ARMC8: variants seen among roughly 807,000 people sequenced by gnomAD.
ARMC8 encodes armadillo repeat-containing protein 8.
In ARMC8, 20 loss-of-function variants were observed where a neutral mutation model predicts 99.3. The ratio of observed to expected loss-of-function variants is 0.20; its 90% CI spans 0.14 to 0.29. The LOEUF (loss-of-function observed/expected upper bound fraction) is 0.29, where lower values mean the gene tolerates loss of function less well. Ranked by LOEUF, ARMC8 falls within the 10% of genes least tolerant of loss-of-function variation. ARMC8 has a pLI of 1.00. For synonymous variants in ARMC8, 263 were observed against 278.3 expected (o/e 0.95, Z 0.55); for missense variants, 569 against 809.5 (o/e 0.70, Z 3.60).
chr3:138,244,181 C>T (rs1480561820), intron 11 of ARMC8, among the ~76,000 whole-genome samples: 1 of 152,032 alleles, frequency 6.6e-6, no homozygotes, highest in South Asian at 2.1e-4. Context: ...TCTCAGATAA[C>T]TGTAATAGAT....
chr3:138,268,493 G>A (rs1051518537), intron 15 of ARMC8, among the ~76,000 whole-genome samples: 18 of 152,164 alleles, frequency 1.2e-4, no homozygotes, highest in Admixed American at 2.6e-4. Flanking sequence ...CTACCTTCAG[G>A]ATATTTAGGG....
At chr3:138,286,551 T>C (rs1250729368) in intron 19 of ARMC8, among the ~76,000 whole-genome samples, 1 of 152,168 alleles carries the variant, frequency 6.6e-6, no homozygotes, top group Non-Finnish European at 1.5e-5. Flanking sequence ...CTACACGTGC[T>C]CTCCTGAGAT....
Position 138,195,554 on chromosome 3 carries a change from C to T in ARMC8, c.45+7955C>T, listed in dbSNP as rs975801006. On this transcript the variant is annotated intron_variant, in intron 1 of 21. Coordinates refer to ENST00000469044, the MANE Select transcript of ARMC8 (RefSeq NM_001363941.2). ...TAGCCTTCTTATCACCTCCTATTTT[C>T]GCTAAATTTTAAAATACTTACTGTC... Among the ~76,000 whole-genome samples the T allele has an allele frequency of 5.3e-5, 8 of 152,074 alleles. 1 individual carries two copies. Among genetic ancestry groups the T allele is most frequent in the Non-Finnish European group, 7.4e-5 (5 of 68,014 alleles).
At chr3:138,273,338 ATC>A (rs1423388446) in intron 17 of ARMC8, among the ~76,000 whole-genome samples, 11 of 152,186 alleles carry the variant, frequency 7.2e-5, no homozygotes, top group African/African-American at 2.7e-4. Context: ...TACACTGCTT[ATC>A]CTGTCTCCCT....
intron 1 of ARMC8, among the ~76,000 whole-genome samples, chr3:138,191,859 T>C (rs1467368011): frequency 6.6e-6 from 1 of 152,258 alleles, no homozygotes; most frequent in Admixed American, 6.5e-5. Context: ...TGTTAAGTAG[T>C]ATTTCATGGT....
At chr3:138,268,585 G>A (rs574569765) in intron 15 of ARMC8, among the ~76,000 whole-genome samples, 7 of 152,066 alleles carry the variant, frequency 4.6e-5, no homozygotes, top group Non-Finnish European at 1.0e-4. Flanking sequence ...ACTCCCAACC[G>A]GGGCAACATA....
At chr3:138,234,817 C>T (rs1018378922) in intron 6 of ARMC8, among the ~76,000 whole-genome samples, 34 of 152,306 alleles carry the variant, frequency 2.2e-4, no homozygotes, top group African/African-American at 7.7e-4. Context: ...GGTAAAGAGG[C>T]AGCATTTCTA....
At chr3:138,201,347 A>G (rs1294666635) in intron 1 of ARMC8, among the ~76,000 whole-genome samples, 1 of 148,348 alleles carries the variant, frequency 6.7e-6, no homozygotes, top group Non-Finnish European at 1.5e-5. Flanking sequence ...GTAATACTAA[A>G]TTACATTTTC....
intron 2 of ARMC8, among the ~76,000 whole-genome samples, chr3:138,216,067 T>A (rs993665953): frequency 1.1e-4 from 17 of 149,678 alleles, no homozygotes; most frequent in African/African-American, 4.2e-4. Context: ...TTTTTTTTTT[T>A]AAGTAGAGAT....
Position 138,273,499 on chromosome 3 carries a change from C to G in ARMC8, c.1629+383C>G, listed in dbSNP as rs540329113. 3.9e-5 allele frequency among the ~76,000 whole-genome samples: 6 copies of G among 152,306 alleles called. No homozygotes were observed. The South Asian group carries it at 1.2e-3, about 32-fold the overall frequency. The stretch of plus-strand genomic sequence containing the variant: ...TGCTTCTTTCCCTTTAGAGAATTCT[C>G]AGAGCCATTCCATAGACCATCTCCC... On this transcript the variant is annotated intron_variant, in intron 17 of 21. Transcript: ENST00000469044.
At chr3:138,224,502 C>G (rs1322198024) in intron 5 of ARMC8, among the ~76,000 whole-genome samples, 1 of 152,098 alleles carries the variant, frequency 6.6e-6, no homozygotes. Context: ...GTAATCCTAG[C>G]AGTTTGGGAG....
At chr3:138,271,798 C>CTTTCTTTTTTTTTTTTTTT (rs1018824241) in intron 16 of ARMC8, among the ~76,000 whole-genome samples, 10 of 136,132 alleles carry the variant, frequency 7.3e-5, no homozygotes, top group African/African-American at 2.6e-4. Flanking sequence ...TTTTTTCTTT[C>CTTTCTTTTTTTTTTTTTTT]TTTTTTTTTT....
intron 11 of ARMC8, among the ~76,000 whole-genome samples, chr3:138,242,623 G>A (rs2046681534): frequency 6.6e-6 from 1 of 152,182 alleles, no homozygotes; most frequent in South Asian, 2.1e-4. Context: ...TGAACATTCT[G>A]TAAGAGAAAG....
At chr3:138,293,699 C>A (rs2051203313) in intron 21 of ARMC8, among the ~76,000 whole-genome samples, 1 of 152,220 alleles carries the variant, frequency 6.6e-6, no homozygotes, top group Non-Finnish European at 1.5e-5. Flanking sequence ...CTGGCATAAA[C>A]AGTGGGCTCT....
intron 6 of ARMC8, among the ~76,000 whole-genome samples, chr3:138,232,074 G>A (rs1015018752): frequency 4.5e-5 from 6 of 133,460 alleles, no homozygotes; most frequent in Non-Finnish European, 7.7e-5. Context: ...GGGTCCAAAC[G>A]ATTCTCCTGC....
chr3:138,201,067 C>T (rs2044035456), intron 1 of ARMC8, among the ~76,000 whole-genome samples: 1 of 151,882 alleles, frequency 6.6e-6, no homozygotes, highest in Non-Finnish European at 1.5e-5. Context: ...TGCATGCCAC[C>T]ATGCCCGACT....
chr3:138,278,456 A>G (rs141469065), intron 18 of ARMC8, among the ~76,000 whole-genome samples: 1,622 of 151,732 alleles, frequency 0.011, 35 homozygotes, highest in African/African-American at 0.036. Context: ...GTAAGCCGAG[A>G]TCACACCACT....
chr3:138,228,767 C>T (rs762651712), intron 5 of ARMC8, 151 bp from the exon 6 acceptor site: 5 of 592,490 alleles, frequency 8.4e-6, no homozygotes, highest in African/African-American at 3.7e-5. Context: ...TTCATGGCCT[C>T]GTTGCTTTTG....
At chr3:138,252,329 C>T (rs993830672) in intron 12 of ARMC8, among the ~76,000 whole-genome samples, 8 of 152,032 alleles carry the variant, frequency 5.3e-5, no homozygotes, top group Non-Finnish European at 1.2e-4. Context: ...TTTGCACTAC[C>T]GAGGCAAGTT....
Sources: allele counts gnomAD v4.1 joint callset (sites outside exome capture counted in the v4.1 genomes callset), GRCh38; gene constraint gnomAD v4.1.1; transcripts MANE v1.5; gene names NCBI Gene and HGNC (gene_info 2026-07-23, HGNC 2026-07-21).